ELAVL1: variants seen among roughly 807,000 people sequenced by gnomAD.
ELAVL1 encodes ELAV like RNA binding protein 1.
A neutral mutation model predicts 28.4 loss-of-function variants in ELAVL1; 1 was observed. That is an observed-to-expected ratio of 0.04 (90% CI 0.01 to 0.17). The LOEUF is 0.17. Among genes scored for constraint, ELAVL1 ranks in the 10% least tolerant of loss-of-function variants. The probability of loss-of-function intolerance (pLI) is 1.00; values close to 1 mark genes in which losing one functional copy is unlikely to be tolerated. For missense variants in ELAVL1, 157 were observed against 447.2 expected (o/e 0.35, Z 5.85); for synonymous variants, 174 against 183.5 (o/e 0.95, Z 0.42).
chr19:7,983,155 C>T lies in ELAVL1; in HGVS notation c.173-1969G>A, dbSNP rs115704433. ...GCGCTCTCTTTCCTAAAGAACAAAA[C>T]CAAAATCAGATCCTCTAGACTCGTA... On this transcript the variant is annotated intron_variant, in intron 2 of 5. Coordinates refer to ENST00000407627, the MANE Select transcript of ELAVL1 (RefSeq NM_001419.3). Among the ~76,000 whole-genome samples the T allele has an allele frequency of 2.3e-3, 357 of 152,304 alleles. 5 individuals are homozygous for T. Among genetic ancestry groups the T allele is most frequent in the African/African-American group, 8.3e-3 (343 of 41,572 alleles).
At chr19:7,988,261 A>G (rs1004074781) in intron 2 of ELAVL1, among the ~76,000 whole-genome samples, 1 of 152,052 alleles carries the variant, frequency 6.6e-6, no homozygotes, top group South Asian at 2.1e-4. Context: ...TTAGGAATAT[A>G]CTGAATTTAA....
intron 2 of ELAVL1, among the ~76,000 whole-genome samples, chr19:7,989,934 T>C (rs892768528): frequency 6.6e-6 from 1 of 152,200 alleles, no homozygotes; most frequent in African/African-American, 2.4e-5. Context: ...TGGGGAAATG[T>C]TGAAGATAAA....
chr19:7,970,694 A>C (rs952611967), intron 4 of ELAVL1, among the ~76,000 whole-genome samples: 2 of 152,210 alleles, frequency 1.3e-5, no homozygotes, highest in African/African-American at 4.8e-5. Context: ...AATACAAAAA[A>C]TTAAGCTCTG....
At chr19:7,993,943 C>T (rs1367784997) in intron 1 of ELAVL1, among the ~76,000 whole-genome samples, 1 of 152,182 alleles carries the variant, frequency 6.6e-6, no homozygotes, top group Non-Finnish European at 1.5e-5. Flanking sequence ...CTGGTAGAAA[C>T]ATCCAGGTCT....
rs1000041193 is a variant in ELAVL1 at position 7,958,792 on chromosome 19, T to C, written c.*4691A>G. On this transcript the variant is annotated 3_prime_UTR_variant, in exon 6 of 6. Transcript: ENST00000407627. ...AACTGAATTAAAATGTCTACACAGC[T>C]ATGAACAATTGTTTAATAAAACTTT... The C allele has an allele frequency of 6.5e-6, 1 of 152,686 alleles. No homozygotes were observed. Among genetic ancestry groups the C allele is most frequent in the Non-Finnish European group, 1.5e-5 (1 of 68,048 alleles). 9.5% of individuals were successfully genotyped at this position (152,686 alleles called of 1,614,324 possible).
intron 1 of ELAVL1, among the ~76,000 whole-genome samples, chr19:8,000,023 C>T (rs1428365943): frequency 3.9e-5 from 6 of 152,286 alleles, no homozygotes; most frequent in East Asian, 1.9e-4. Context: ...GTGATCCACC[C>T]GCCTTGGCCT....
intron 5 of ELAVL1, among the ~76,000 whole-genome samples, chr19:7,967,012 G>A (rs922927173): frequency 2.0e-5 from 3 of 151,794 alleles, no homozygotes; most frequent in Admixed American, 2.0e-4. Context: ...CAACTGGTGG[G>A]GACTGGTGCT....
chr19:7,973,958 G>A (rs768632253), intron 3 of ELAVL1, 80 bp from the exon 4 acceptor site: 2 of 1,542,918 alleles, frequency 1.3e-6, no homozygotes, highest in Non-Finnish European at 1.8e-6. Flanking sequence ...GCTGGGTTAG[G>A]AAAAGCCAAC....
At chr19:8,004,635 T>G (rs539262691) in intron 1 of ELAVL1, among the ~76,000 whole-genome samples, 1 of 152,272 alleles carries the variant, frequency 6.6e-6, no homozygotes, top group East Asian at 1.9e-4. Flanking sequence ...GAAACCCTGC[T>G]CTAGACAGAT....
chr19:7,968,197 A>G (rs927987791), intron 4 of ELAVL1, among the ~76,000 whole-genome samples: 9 of 152,068 alleles, frequency 5.9e-5, no homozygotes, highest in African/African-American at 2.2e-4. Context: ...ACAGGGTTGG[A>G]GTGGGGACTG....
Position 7,967,562 on chromosome 19 carries a change from C to T in ELAVL1, c.656+3G>A. The T allele has an allele frequency of 6.2e-7, 1 of 1,613,482 alleles. No homozygotes were observed. Among genetic ancestry groups the T allele is most frequent in the Non-Finnish European group, 8.5e-7 (1 of 1,179,796 alleles). ...TTCAGGAGCGCGCACCCTCCCGACC[C>T]ACCTGAATCTCTGCGCCTGGTGGTG... On this transcript the variant is annotated splice_donor_region_variant and intron_variant, in intron 5 of 5. Coordinates refer to ENST00000407627, the MANE Select transcript of ELAVL1 (RefSeq NM_001419.3).
rs1396543196 is a variant in ELAVL1 at position 7,960,286 on chromosome 19, C to A, written c.*3197G>T. On this transcript the variant is annotated 3_prime_UTR_variant, in exon 6 of 6. Coordinates refer to ENST00000407627, the MANE Select transcript of ELAVL1 (RefSeq NM_001419.3). ...CTCCAGGACTAAGGCCAAGCGCAGACTCTCAGAGGTTAAGGCAGCTGCCCT... is the reference window on the plus strand; with the variant it reads ...CTCCAGGACTAAGGCCAAGCGCAGAATCTCAGAGGTTAAGGCAGCTGCCCT... 3 of 152,196 alleles carry A rather than the reference C, an allele frequency of 2.0e-5. No individual in the cohort carries two copies. The allele number at this position is 152,196 out of a possible 1,614,324, so 9.4% of individuals were successfully genotyped here.
At chr19:7,994,042 G>C (rs1985820550) in intron 1 of ELAVL1, among the ~76,000 whole-genome samples, 1 of 152,106 alleles carries the variant, frequency 6.6e-6, no homozygotes, top group Non-Finnish European at 1.5e-5. Context: ...TATGCTCCCT[G>C]CTCTTTAAAA....
At chr19:8,005,456 A>G (rs960251080) in intron 1 of ELAVL1, 39 bp downstream of exon 1, 1 of 146,148 alleles carries the variant, frequency 6.8e-6, no homozygotes, top group Non-Finnish European at 1.5e-5. Context: ...GCCGCGGCCT[A>G]CCCCGTCGGG....
intron 1 of ELAVL1, among the ~76,000 whole-genome samples, chr19:8,004,752 GTTC>G (rs1227509776): frequency 6.6e-6 from 1 of 152,114 alleles, no homozygotes; most frequent in Non-Finnish European, 1.5e-5. Context: ...TTGTGCAGAA[GTTC>G]TTCTCCACCT....
rs549113529 is a variant in ELAVL1 at position 7,992,589 on chromosome 19, G to C, written c.-16-758C>G. On this transcript the variant is annotated intron_variant, in intron 1 of 5. Coordinates refer to ENST00000407627, the MANE Select transcript of ELAVL1 (RefSeq NM_001419.3). ...GGTTGCCAGCGATGCAGGTCGGCGTGGGGGGGACAACAAATAGTGGAACAC... is the reference window on the plus strand; with the variant it reads ...GGTTGCCAGCGATGCAGGTCGGCGTCGGGGGGACAACAAATAGTGGAACAC... Among the ~76,000 whole-genome samples the C allele has an allele frequency of 1.4e-4, 22 of 152,172 alleles. No homozygotes were observed. In the East Asian group the frequency reaches 2.9e-3, roughly 20 times the overall value.
rs750853913 is a variant in ELAVL1, at chr19:7,963,684, G to A, written c.780C>T (p.Leu260=). 6.2e-7 allele frequency: 1 copy of A among 1,614,272 alleles called. No homozygotes were observed. Among genetic ancestry groups the A allele is most frequent in the South Asian group, 1.1e-5 (1 of 91,088 alleles). ...NLGQDADEGI[L]WQMFGPFGAV... Reference sequence around the variant, plus strand: ...CACCAAACGGCCCAAACATCTGCCAGAGGATCCCCTCGTCGGCATCCTGCC... The same window carrying A: ...CACCAAACGGCCCAAACATCTGCCAAAGGATCCCCTCGTCGGCATCCTGCC... Residue 260 remains leucine, a synonymous_variant, in exon 6 of 6, where the codon CTC becomes CTT. Transcript: ENST00000407627. This position sits in a 1 kb window ranked among gnomAD's most constrained non-coding sequence, Gnocchi z 4.5.
chr19:7,996,145 G>C (rs962593430), intron 1 of ELAVL1, among the ~76,000 whole-genome samples: 1 of 151,036 alleles, frequency 6.6e-6, no homozygotes, highest in Non-Finnish European at 1.5e-5. Context: ...CAAAGTATTA[G>C]AATTATAGGC....
intron 2 of ELAVL1, among the ~76,000 whole-genome samples, chr19:7,988,155 G>A (rs1347402672): frequency 6.6e-6 from 1 of 152,222 alleles, no homozygotes; most frequent in Non-Finnish European, 1.5e-5. Context: ...GACACGCCTA[G>A]ATTTCTGAGC....
Sources: gnomAD v4.1 joint callset for allele counts (sites outside exome capture counted in the v4.1 genomes callset) on GRCh38, gnomAD v4.1.1 for gene constraint, Gnocchi (gnomAD v3.1) non-coding constraint, MANE v1.5 for transcripts, NCBI Gene and HGNC (gene_info 2026-07-23, HGNC 2026-07-21) for gene names.